EDA: variants seen among roughly 807,000 people sequenced by gnomAD.
EDA encodes the protein ectodysplasin A.
EDA carries 2 observed loss-of-function variants against 23.6 expected under a neutral mutation model. The observed-to-expected ratio is 0.08, with a 90% CI of 0.03 to 0.27. EDA has a LOEUF of 0.27. EDA is among the 10% of genes least tolerant of loss of function. EDA has a pLI of 1.00. For synonymous variants in EDA, 131 were observed against 132.0 expected, an observed-to-expected ratio of 0.99 and a Z score of 0.05; for missense variants, 229 against 324.2, an observed-to-expected ratio of 0.71 and a Z score of 2.26.
intron 1 of EDA, among the ~76,000 whole-genome samples, chrX:69,632,795 T>C (rs1023948598): frequency 3.6e-5 from 4 of 112,176 alleles, no homozygotes; most frequent in Non-Finnish European, 7.5e-5. Context: ...ATGTGTTCCT[T>C]TGGTTCAAGA....
intron 1 of EDA, among the ~76,000 whole-genome samples, chrX:69,735,027 A>ATCC (rs2013200288): frequency 9.0e-6 from 1 of 111,499 alleles, no homozygotes. Context: ...CTGAGAATAC[A>ATCC]TCCAAAAGAA....
chrX:69,998,289 C>T (rs986747829), intron 2 of EDA, among the ~76,000 whole-genome samples: 3 of 112,518 alleles, frequency 2.7e-5, no homozygotes, highest in Non-Finnish European at 3.8e-5. Flanking sequence ...GAGATCATTT[C>T]GGTACTTTAA....
chrX:69,995,626 T>C (rs367879708), intron 2 of EDA, among the ~76,000 whole-genome samples: 267 of 112,427 alleles, frequency 2.4e-3, no homozygotes, highest in African/African-American at 7.9e-3. Context: ...AAAGCATGAC[T>C]TCATTCCTTG....
At chrX:69,675,979 A>T (rs957835369) in intron 1 of EDA, among the ~76,000 whole-genome samples, 10 of 111,176 alleles carry the variant, frequency 9.0e-5, no homozygotes, top group Non-Finnish European at 5.6e-5. Flanking sequence ...CAGGCAGAAG[A>T]AGTAGCAAAT....
intron 1 of EDA, among the ~76,000 whole-genome samples, chrX:69,749,109 C>T (rs1397156331): frequency 2.9e-5 from 2 of 69,410 alleles, no homozygotes; most frequent in African/African-American, 1.1e-4. Flanking sequence ...CCACCACAGT[C>T]CCCAGAGTGT....
intron 1 of EDA, among the ~76,000 whole-genome samples, chrX:69,891,878 G>A (rs2017938424): frequency 9.0e-6 from 1 of 111,081 alleles, no homozygotes; most frequent in Admixed American, 9.6e-5. Flanking sequence ...GTTTACCTAT[G>A]TAACAAACCT....
At chrX:69,856,254 G>GGTGTGTGTGTGTGTGTGTGT (rs202079519) in intron 1 of EDA, among the ~76,000 whole-genome samples, 1 of 74,952 alleles carries the variant, frequency 1.3e-5, no homozygotes, top group Non-Finnish European at 2.6e-5. Flanking sequence ...AGTATTCCAT[G>GGTGTGTGTGTGTGTGTGTGT]GTGTGTGTGT....
chrX:69,800,855 A>ATATAAGACTTTAT (rs2015667355), intron 1 of EDA, among the ~76,000 whole-genome samples: 1 of 111,800 alleles, frequency 8.9e-6, no homozygotes. Flanking sequence ...AGAGTCTCAT[A>ATATAAGACTTTAT]AAGTCTCATA....
chrX:69,698,152 T>C (rs1361099468), intron 1 of EDA, among the ~76,000 whole-genome samples: 2 of 112,189 alleles, frequency 1.8e-5, no homozygotes, highest in East Asian at 5.6e-4. Flanking sequence ...TTTGTCCTTT[T>C]GCCATCTTTG....
chrX:69,638,300 G>C (rs915743756), intron 1 of EDA, among the ~76,000 whole-genome samples: 3 of 111,764 alleles, frequency 2.7e-5, no homozygotes, highest in East Asian at 5.6e-4. Flanking sequence ...CAAATGATGG[G>C]TCCATGACAT....
rs767537793 is a variant in EDA, at chrX:69,892,568, T to G, written c.397-64459T>G. On this transcript the variant is annotated intron_variant, in intron 1 of 7. Transcript: ENST00000374552. ...ATATTTGAATGCTAGGATAAACCAA[T>G]TGAAAAATAGATTAGAGCCACGAAG... 2.7e-5 allele frequency among the ~76,000 whole-genome samples: 3 copies of G among 112,059 alleles called. No homozygotes were observed. In the East Asian group the frequency reaches 8.4e-4, roughly 31 times the overall value.
At chrX:69,676,940 C>T (rs1489296618) in intron 1 of EDA, among the ~76,000 whole-genome samples, 1 of 101,473 alleles carries the variant, frequency 9.9e-6, no homozygotes, top group African/African-American at 3.6e-5. Flanking sequence ...AACTCGTCAT[C>T]TAGCATTAGG....
chrX:69,860,939 C>T, intron 1 of EDA: 1 of 521,789 alleles, frequency 1.9e-6, no homozygotes. Context: ...CGAGTCGTCT[C>T]AGTCCCTCAG....
chrX:69,708,601 T>G (rs2011833852), intron 1 of EDA, among the ~76,000 whole-genome samples: 1 of 111,001 alleles, frequency 9.0e-6, no homozygotes, highest in South Asian at 3.8e-4. Context: ...TCTACGGCCC[T>G]ATAACTAATT....
chrX:69,681,860 G>T (rs1346241195), intron 1 of EDA, among the ~76,000 whole-genome samples: 1 of 111,787 alleles, frequency 8.9e-6, no homozygotes, highest in South Asian at 3.8e-4. Flanking sequence ...TTCCGTTGCT[G>T]GTGAGGAACT....
intron 1 of EDA, among the ~76,000 whole-genome samples, chrX:69,792,917 G>A: frequency 8.9e-6 from 1 of 111,874 alleles, no homozygotes; most frequent in East Asian, 2.8e-4. Flanking sequence ...CCACTCTGTG[G>A]GTTTCCTGCT....
chrX:69,787,720 T>G (rs2015244814), intron 1 of EDA, among the ~76,000 whole-genome samples: 2 of 111,377 alleles, frequency 1.8e-5, no homozygotes, highest in African/African-American at 6.5e-5. Context: ...TGGCTGCCCT[T>G]AACATTTTTT....
At chrX:69,737,838 A>C (rs901446168) in intron 1 of EDA, among the ~76,000 whole-genome samples, 3 of 67,786 alleles carry the variant, frequency 4.4e-5, no homozygotes, top group Non-Finnish European at 2.7e-5. Flanking sequence ...CACTGGGTGA[A>C]GGATTCTAGG....
At chrX:69,714,839 T>C in intron 1 of EDA, among the ~76,000 whole-genome samples, 1 of 111,331 alleles carries the variant, frequency 9.0e-6, no homozygotes, top group Middle Eastern at 4.6e-3. Flanking sequence ...TCTCCTTTTT[T>C]TCTCTTTTCC....
Sources: allele counts gnomAD v4.1 joint callset (sites outside exome capture counted in the v4.1 genomes callset), GRCh38; gene constraint gnomAD v4.1.1; transcripts MANE v1.5; gene names NCBI Gene and HGNC (gene_info 2026-07-23, HGNC 2026-07-21).